The following KIDINS220 variants were observed in gnomAD, a reference collection of about 807,000 sequenced individuals.
KIDINS220 encodes the protein kinase D-interacting substrate of 220 kDa.
In KIDINS220, 63 loss-of-function variants were observed where a neutral mutation model predicts 157.6. The ratio of observed to expected loss-of-function variants is 0.40; its 90% CI spans 0.33 to 0.49. KIDINS220 has a LOEUF of 0.49. Ranked by LOEUF, KIDINS220 falls within the 20% of genes least tolerant of loss-of-function variation. The pLI, the probability that KIDINS220 is intolerant of heterozygous loss-of-function variation, is 0.66. For missense variants in KIDINS220, 1,772 were observed against 2,171.2 expected (o/e 0.82, Z 3.65); for synonymous variants, 732 against 783.6 (o/e 0.93, Z 1.10).
intron 22 of KIDINS220, among the ~76,000 whole-genome samples, chr2:8,763,035 C>G (rs1668984074): frequency 6.6e-6 from 1 of 152,200 alleles, no homozygotes. Flanking sequence ...AAATTTCTAT[C>G]TGCTATAACA....
intron 12 of KIDINS220, among the ~76,000 whole-genome samples, chr2:8,791,470 A>C (rs1450685959): frequency 6.6e-6 from 1 of 152,196 alleles, no homozygotes; most frequent in Non-Finnish European, 1.5e-5. Context: ...AATTACTATC[A>C]TATTTCATAG....
intron 6 of KIDINS220, among the ~76,000 whole-genome samples, chr2:8,807,927 G>A (rs969846353): frequency 2.0e-5 from 3 of 152,126 alleles, no homozygotes; most frequent in African/African-American, 4.8e-5. Context: ...TTTAAGACCA[G>A]CCTGGCCAAC....
chr2:8,788,910 C>A, intron 14 of KIDINS220, 98 bp from the exon 15 acceptor site: 1 of 1,043,738 alleles, frequency 9.6e-7, no homozygotes, highest in Admixed American at 2.2e-5. Context: ...GCTAAGCTTA[C>A]ATAGCTTCCT....
intron 1 of KIDINS220, among the ~76,000 whole-genome samples, chr2:8,830,019 C>T (rs1048053885): frequency 1.3e-5 from 2 of 151,980 alleles, no homozygotes; most frequent in Admixed American, 1.3e-4. Flanking sequence ...GCTCAATGTG[C>T]TCCTTCCATG....
rs538313459 is a variant in KIDINS220, at chr2:8,728,870, A to G, written c.*1850T>C. On this transcript the variant is annotated 3_prime_UTR_variant, in exon 30 of 30. Coordinates refer to ENST00000256707, the MANE Select transcript of KIDINS220 (RefSeq NM_020738.4). ...ATGTGACAAAACAAACACACAAACT[A>G]CTTTTATTTTTAATCAAAATGTGAA... 3.0e-6 allele frequency: 3 copies of G among 985,176 alleles called. No homozygotes were observed. In the African/African-American group the frequency reaches 5.2e-5, roughly 17 times the overall value. 61.0% of individuals were successfully genotyped at this position (985,176 alleles called of 1,614,324 possible). A position where few individuals can be genotyped will look rare whatever the true frequency, so the allele number is the denominator to read the frequency against.
At chr2:8,773,713 C>G (rs1037477761) in intron 21 of KIDINS220, among the ~76,000 whole-genome samples, 1 of 152,082 alleles carries the variant, frequency 6.6e-6, no homozygotes, top group Non-Finnish European at 1.5e-5. Context: ...CTCAGGTGAT[C>G]CACCTGCCTC....
chr2:8,827,216 C>A (rs563855246), intron 1 of KIDINS220, 87 bp from the exon 2 acceptor site: 124 of 543,914 alleles, frequency 2.3e-4, no homozygotes, highest in African/African-American at 1.8e-3. Flanking sequence ...ACATTAACCT[C>A]ATGCAAGGAC....
At position 8,731,308 on chromosome 2, in the gene KIDINS220, C is replaced by A; in HGVS notation, c.4728G>T (p.Ala1576=). The A allele has an allele frequency of 2.5e-6, 4 of 1,614,064 alleles. No individual in the cohort carries two copies. The highest frequency in any genetic ancestry group is 3.4e-6 in the Non-Finnish European group (4 of 1,180,034). The change falls in exon 30 of 30, where the codon GCG becomes GCT. Residue 1576 remains alanine, a synonymous_variant. Transcript: ENST00000256707. This position sits in a 1 kb window ranked among gnomAD's most constrained non-coding sequence, Gnocchi z 5.2. ...FIKAKEYLSD[A]LLDKKDSSDS... ...CCGATGAATCCTTTTTGTCAAGGAG[C>A]GCATCCGATAAATACTCTTTGGCTT...
chr2:8,805,591 C>T (rs1209410301), intron 7 of KIDINS220, among the ~76,000 whole-genome samples: 1 of 152,142 alleles, frequency 6.6e-6, no homozygotes, highest in Non-Finnish European at 1.5e-5. Context: ...ACCAAAGATA[C>T]TCTTATTGCT....
At chr2:8,745,454 G>A (rs911601128) in intron 26 of KIDINS220, among the ~76,000 whole-genome samples, 1 of 152,104 alleles carries the variant, frequency 6.6e-6, no homozygotes, top group Non-Finnish European at 1.5e-5. Context: ...GCACCACAAC[G>A]GTTCTCTTTT....
In KIDINS220 at chr2:8,733,607, C is replaced by A; in HGVS notation, c.3890G>T (p.Gly1297Val). 1.2e-6 allele frequency: 2 copies of A among 1,613,842 alleles called. No homozygotes were observed. Among genetic ancestry groups the A allele is most frequent in the Non-Finnish European group, 1.7e-6 (2 of 1,179,866 alleles). The change falls in exon 29 of 30, where the codon GGC becomes GTC. Residue 1297 changes from glycine to valine, a missense_variant. Transcript: ENST00000256707. ...AGCAGGCTCACCGTGCGGGGCTGGG[C>A]CACTGCTGCTCTCACTGAGGAAACG... is the stretch of plus-strand genomic sequence containing the variant. ...DPRFLSESSS[G>V]PAPHGEPARR...
chr2:8,827,186 T>G (rs1678929534), intron 1 of KIDINS220, 57 bp from the exon 2 acceptor site: 4 of 662,052 alleles, frequency 6.0e-6, no homozygotes, highest in Admixed American at 2.8e-5. Flanking sequence ...AAGTTACTAT[T>G]AAATACAATA....
chr2:8,769,721 T>C (rs776084084), intron 22 of KIDINS220, among the ~76,000 whole-genome samples: 2 of 152,126 alleles, frequency 1.3e-5, no homozygotes, highest in Non-Finnish European at 2.9e-5. Context: ...GTATGTACAA[T>C]AAAATATTGT....
In KIDINS220 at chr2:8,730,965, G is replaced by C. The variant is rs753065939; in HGVS notation, c.5071C>G (p.Pro1691Ala). ...STVTLNNNSA[P>A]ANRANQNFDE... ...AAATTTTGATTGGCTCTGTTGGCTG[G>C]AGCACTATTGTTGTTCAGAGTCACG... is the stretch of plus-strand genomic sequence containing the variant. The change falls in exon 30 of 30, where the codon CCA (proline) becomes GCA (alanine). Residue 1691 changes from proline to alanine, a missense_variant. Physicochemically the swap from Pro to Ala is conservative, Grantham distance 27. Transcript: ENST00000256707. 6.2e-7 allele frequency: 1 copy of C among 1,614,188 alleles called. No individual in the cohort carries two copies. The highest frequency in any genetic ancestry group is 8.5e-7 in the Non-Finnish European group (1 of 1,180,038).
At chr2:8,745,450 C>T (rs1370366819) in intron 26 of KIDINS220, among the ~76,000 whole-genome samples, 1 of 152,164 alleles carries the variant, frequency 6.6e-6, no homozygotes, top group Non-Finnish European at 1.5e-5. Context: ...GAAAGCACCA[C>T]AACGGTTCTC....
chr2:8,726,994 A>G, downstream of KIDINS220: 1 of 1,197,768 alleles, frequency 8.3e-7, no homozygotes, highest in East Asian at 5.7e-5. Context: ...TCTCTATTTA[A>G]TCAGTCTCAA....
intron 20 of KIDINS220, among the ~76,000 whole-genome samples, chr2:8,778,248 C>T (rs1671236115): frequency 6.6e-6 from 1 of 152,172 alleles, no homozygotes; most frequent in Admixed American, 6.5e-5. Flanking sequence ...GGAAGGCTGG[C>T]CAACAGGAAG....
intron 26 of KIDINS220, among the ~76,000 whole-genome samples, chr2:8,746,103 A>ATTT (rs1231470460): frequency 2.1e-5 from 3 of 140,554 alleles, no homozygotes; most frequent in African/African-American, 5.3e-5. Flanking sequence ...TTATACAGTA[A>ATTT]TTTTTTTTTT....
chr2:8,757,610 T>A, intron 22 of KIDINS220: 2 of 1,595,782 alleles, frequency 1.3e-6, no homozygotes, highest in South Asian at 2.2e-5. Context: ...TTTTCAGTCC[T>A]TCGAGGCAGA....
Sources: gnomAD v4.1 joint callset for allele counts (sites outside exome capture counted in the v4.1 genomes callset) on GRCh38, gnomAD v4.1.1 for gene constraint, Gnocchi (gnomAD v3.1) non-coding constraint, MANE v1.5 for transcripts, NCBI Gene and HGNC (gene_info 2026-07-23, HGNC 2026-07-21) for gene names.